The following SPAG17 variants were observed in gnomAD, a reference collection of about 807,000 sequenced individuals.
The protein encoded by SPAG17 is sperm associated antigen 17, also known as sperm-associated antigen 17.
SPAG17 carries 169 observed loss-of-function variants against 273.6 expected under a neutral mutation model. The ratio of observed to expected loss-of-function variants is 0.62; its 90% CI spans 0.55 to 0.70. The LOEUF (loss-of-function observed/expected upper bound fraction) is 0.70. Among genes scored for constraint, SPAG17 ranks in the 30% least tolerant of loss-of-function variants. The pLI, the probability that SPAG17 is intolerant of heterozygous loss-of-function variation, is 0.00. For missense variants in SPAG17, 2,557 were observed against 2,627.8 expected, an observed-to-expected ratio of 0.97 and a Z score of 0.59; for synonymous variants, 825 against 873.2, an observed-to-expected ratio of 0.94 and a Z score of 0.97.
chr1:118,130,390 T>G (rs756897753), intron 3 of SPAG17, among the ~76,000 whole-genome samples: 51 of 152,218 alleles, frequency 3.4e-4, no homozygotes, highest in Middle Eastern at 3.2e-3. Context: ...TTTCTAGGGA[T>G]TCCTAAGTAC....
chr1:118,099,842 A>G (rs1274502127), intron 5 of SPAG17, 42 bp from the exon 6 acceptor site: 13 of 1,583,994 alleles, frequency 8.2e-6, no homozygotes, highest in Non-Finnish European at 1.1e-5. Context: ...TCATTGTAAA[A>G]GAGAGCAGGT....
At chr1:118,162,007 C>T (rs534413176) in intron 1 of SPAG17, among the ~76,000 whole-genome samples, 1 of 152,274 alleles carries the variant, frequency 6.6e-6, no homozygotes, top group East Asian at 1.9e-4. Context: ...CACTCATTCC[C>T]TCACTTGTGT....
chr1:118,034,487 C>T (rs1034777848), intron 24 of SPAG17, among the ~76,000 whole-genome samples: 12 of 152,230 alleles, frequency 7.9e-5, no homozygotes, highest in African/African-American at 2.9e-4. Flanking sequence ...GCAATTCTCA[C>T]TCACCTCCAA....
At chr1:117,968,822 C>A (rs1485712734) in intron 46 of SPAG17, among the ~76,000 whole-genome samples, 6 of 152,236 alleles carry the variant, frequency 3.9e-5, no homozygotes. Context: ...CAGGCCTATG[C>A]ACTCTTCGCA....
chr1:118,061,759 T>C (rs1197541459), intron 18 of SPAG17, among the ~76,000 whole-genome samples: 1 of 152,220 alleles, frequency 6.6e-6, no homozygotes, highest in Non-Finnish European at 1.5e-5. Context: ...AAATTAAATG[T>C]ATACAATTTT....
chr1:118,088,854 C>T (rs1224212804), intron 10 of SPAG17, among the ~76,000 whole-genome samples: 1 of 151,902 alleles, frequency 6.6e-6, no homozygotes, highest in Admixed American at 6.6e-5. Context: ...ACTCCAACAC[C>T]CATTCAATAA....
At chr1:117,983,939 A>G in intron 41 of SPAG17, 26 bp from the exon 42 acceptor site, 1 of 1,242,542 alleles carries the variant, frequency 8.0e-7, no homozygotes, top group Non-Finnish European at 1.2e-6. Context: ...AACTTATTTT[A>G]GACTTATACA....
At chr1:118,034,989 T>G (rs575663277) in intron 24 of SPAG17, among the ~76,000 whole-genome samples, 9 of 152,328 alleles carry the variant, frequency 5.9e-5, no homozygotes, top group Non-Finnish European at 1.3e-4. Flanking sequence ...CTACTTTTTC[T>G]TTGTCCAAAA....
Position 117,973,415 on chromosome 1 carries a change from T to G in SPAG17, c.6141+10A>C. The G allele has an allele frequency of 6.2e-7, 1 of 1,610,474 alleles. No individual in the cohort carries two copies. Among genetic ancestry groups the G allele is most frequent in the Non-Finnish European group, 8.5e-7 (1 of 1,178,096 alleles). ...TGGCTGTGGGGAATTTGTTCCAATG[T>G]TTGTTTTACCTTTGCAAGAGGTTGA... On this transcript the variant is annotated intron_variant, in intron 44 of 48. Transcript: ENST00000336338.
intron 3 of SPAG17, among the ~76,000 whole-genome samples, chr1:118,133,985 G>A (rs1658201243): frequency 1.3e-5 from 2 of 152,110 alleles, no homozygotes; most frequent in African/African-American, 4.8e-5. Flanking sequence ...TATAATTTTT[G>A]CTTGTCAAAT....
intron 3 of SPAG17, among the ~76,000 whole-genome samples, chr1:118,124,478 T>G (rs975366441): frequency 5.3e-5 from 8 of 152,236 alleles, no homozygotes; most frequent in Admixed American, 5.2e-4. Flanking sequence ...AAACAGTATA[T>G]TCACTCCTTA....
rs117047602 is a variant in SPAG17 at position 117,977,739 on chromosome 1, T to C, written c.6004+3531A>G. On this transcript the variant is annotated intron_variant, in intron 43 of 48. Transcript: ENST00000336338. Reference sequence around the variant, plus strand: ...GGGGTGCAGTAGGTGTTTCAAATAATTTATTTTTCCTCCTTCAAAGCTTTG... The same window carrying C: ...GGGGTGCAGTAGGTGTTTCAAATAACTTATTTTTCCTCCTTCAAAGCTTTG... Among the ~76,000 whole-genome samples the C allele has an allele frequency of 3.9e-5, 6 of 152,296 alleles. No individual in the cohort carries two copies. In the East Asian group the frequency reaches 9.7e-4, roughly 25 times the overall value.
At chr1:117,982,095 C>A (rs6428716) in intron 42 of SPAG17, among the ~76,000 whole-genome samples, 80,544 of 151,962 alleles carry the variant, frequency 0.53, 22,675 homozygotes, top group African/African-American at 0.73. Context: ...CTGATTTCTC[C>A]CCATCACATT....
At chr1:118,025,722 C>T (rs1391487304) in intron 26 of SPAG17, among the ~76,000 whole-genome samples, 1 of 152,034 alleles carries the variant, frequency 6.6e-6, no homozygotes, top group Non-Finnish European at 1.5e-5. Context: ...AAACTCCTGG[C>T]CTCAAGCGAT....
intron 19 of SPAG17, 46 bp from the exon 20 acceptor site, chr1:118,054,139 T>C (rs1247877266): frequency 1.5e-6 from 2 of 1,311,164 alleles, no homozygotes; most frequent in Non-Finnish European, 2.2e-6. Flanking sequence ...TTAAATAAGA[T>C]ATCATAGAAG....
At chr1:117,991,658 T>C (rs762621431) in intron 36 of SPAG17, 130 bp from the exon 37 acceptor site, 6 of 537,856 alleles carry the variant, frequency 1.1e-5, no homozygotes, top group Non-Finnish European at 1.9e-5. Flanking sequence ...AACAACTGTT[T>C]ACTAGTCAAA....
At chr1:118,063,582 A>G (rs1175645775) in intron 18 of SPAG17, among the ~76,000 whole-genome samples, 2 of 152,230 alleles carry the variant, frequency 1.3e-5, no homozygotes, top group East Asian at 3.8e-4. Flanking sequence ...ACAAAAATTA[A>G]GTCAAGATGG....
At chr1:117,958,314 C>A (rs563517959) in intron 48 of SPAG17, among the ~76,000 whole-genome samples, 2 of 152,154 alleles carry the variant, frequency 1.3e-5, no homozygotes, top group Non-Finnish European at 2.9e-5. Flanking sequence ...CTTGTAAAGA[C>A]ATAAGTTCAT....
chr1:117,975,522 C>T (rs1042909097), intron 43 of SPAG17, among the ~76,000 whole-genome samples: 2 of 152,100 alleles, frequency 1.3e-5, no homozygotes, highest in Admixed American at 1.3e-4. Context: ...GTCCAACAAA[C>T]TATAATGAGG....
Sources: gnomAD v4.1 joint callset for allele counts (sites outside exome capture counted in the v4.1 genomes callset) on GRCh38, gnomAD v4.1.1 for gene constraint, MANE v1.5 for transcripts, NCBI Gene and HGNC (gene_info 2026-07-23, HGNC 2026-07-21) for gene names.